ADGRL4: variants seen among roughly 807,000 people sequenced by gnomAD.
ADGRL4 encodes EGF, latrophilin and seven transmembrane domain containing 1.
Under a neutral mutation model 74.8 loss-of-function variants are expected in ADGRL4, and 90 were observed. That is an observed-to-expected ratio of 1.20 (90% CI 1.02 to 1.43). The LOEUF (loss-of-function observed/expected upper bound fraction) is 1.43. Ranked by LOEUF, ADGRL4 falls within the 40% of genes most tolerant of loss-of-function variation. ADGRL4 has a pLI of 0.00. For missense variants in ADGRL4, 881 were observed against 814.3 expected (o/e 1.08, Z -1.00); for synonymous variants, 311 against 279.2 (o/e 1.11, Z -1.14).
chr1:78,967,921 A>T (rs1185059745), intron 2 of ADGRL4, among the ~76,000 whole-genome samples: 1 of 148,570 alleles, frequency 6.7e-6, no homozygotes. Context: ...GCCTTCCCAA[A>T]ATCAAACTTC....
chr1:78,932,105 C>T lies in ADGRL4; in HGVS notation c.877+4190G>A, dbSNP rs549454600. Among the ~76,000 whole-genome samples the T allele has an allele frequency of 4.2e-4, 63 of 151,564 alleles. 2 individuals carry two copies. Among genetic ancestry groups the T allele is most frequent in the African/African-American group, 1.5e-3 (61 of 40,876 alleles). On this transcript the variant is annotated intron_variant, in intron 7 of 14. Transcript: ENST00000370742. Reference sequence around the variant, plus strand: ...TAATAAACATTTACAGAACTCTTACCCCCAAATCAACAGAATATGCATTCT... The same window carrying T: ...TAATAAACATTTACAGAACTCTTACTCCCAAATCAACAGAATATGCATTCT...
intron 7 of ADGRL4, among the ~76,000 whole-genome samples, chr1:78,933,294 T>C (rs113040385): frequency 0.03 from 4,604 of 151,534 alleles, 139 homozygotes; most frequent in South Asian, 0.053. Flanking sequence ...TCAATAAATG[T>C]AATCCATCAC....
intron 10 of ADGRL4, among the ~76,000 whole-genome samples, chr1:78,918,679 G>C (rs970742719): frequency 6.6e-6 from 1 of 151,796 alleles, no homozygotes; most frequent in African/African-American, 2.4e-5. Context: ...AGAAGAAGAA[G>C]TAGTTACACT....
rs749257756 is a variant in ADGRL4 at position 78,921,765 on chromosome 1, G to A, written c.1105C>T (p.Leu369=). The A allele has an allele frequency of 1.9e-6, 3 of 1,590,436 alleles. No homozygotes were observed. Among genetic ancestry groups the A allele is most frequent in the Non-Finnish European group, 1.7e-6 (2 of 1,169,428 alleles). The change falls in exon 9 of 15, where the codon CTA becomes TTA. Residue 369 remains leucine (L), a synonymous_variant. Coordinates refer to ENST00000370742, the MANE Select transcript of ADGRL4 (RefSeq NM_022159.4). ...GGTGAGTAATTCCAAAATGCACATA[G>A]ACTCCTATACCTATCTGTGACCTGA... The part of the protein sequence containing the change: ...HRKVTDRYRS[L]CAFWNYSPDT...
intron 2 of ADGRL4, among the ~76,000 whole-genome samples, chr1:78,976,036 C>T (rs528955364): frequency 6.6e-6 from 1 of 152,090 alleles, no homozygotes; most frequent in South Asian, 2.1e-4. Flanking sequence ...ACTGCCCCAG[C>T]TTACTGCTTT....
intron 12 of ADGRL4, among the ~76,000 whole-genome samples, chr1:78,902,735 G>A (rs574526791): frequency 1.2e-4 from 18 of 152,100 alleles, no homozygotes; most frequent in Non-Finnish European, 2.4e-4. Context: ...GTATTACTAT[G>A]GTTAACTATT....
intron 2 of ADGRL4, among the ~76,000 whole-genome samples, chr1:78,951,254 T>A (rs1272204030): frequency 6.6e-6 from 1 of 152,176 alleles, no homozygotes; most frequent in Non-Finnish European, 1.5e-5. Context: ...GTCCTTTGTA[T>A]CTTCTTCCTT....
chr1:78,909,671 G>T (rs1648719660), intron 12 of ADGRL4, among the ~76,000 whole-genome samples: 3 of 151,810 alleles, frequency 2.0e-5, no homozygotes, highest in Non-Finnish European at 4.4e-5. Flanking sequence ...ATTGGCAGAA[G>T]TGTCAGAAAG....
intron 2 of ADGRL4, among the ~76,000 whole-genome samples, chr1:78,997,321 G>A (rs369979797): frequency 6.0e-4 from 92 of 152,068 alleles, no homozygotes; most frequent in African/African-American, 2.0e-3. Flanking sequence ...ATTCTATCCC[G>A]CAACCACCCT....
chr1:78,929,741 G>T (rs563507180), intron 7 of ADGRL4, among the ~76,000 whole-genome samples: 2 of 151,214 alleles, frequency 1.3e-5, no homozygotes, highest in Admixed American at 6.6e-5. Flanking sequence ...CTCCTTTACT[G>T]ACAGCTAATA....
chr1:78,923,649 A>T (rs1016951816), intron 8 of ADGRL4, among the ~76,000 whole-genome samples: 1 of 151,986 alleles, frequency 6.6e-6, no homozygotes. Context: ...TTTTAAAAAA[A>T]TATATAAATA....
At chr1:78,926,770 T>G (rs1397858054) in intron 8 of ADGRL4, 116 bp downstream of exon 8, 14 of 750,710 alleles carry the variant, frequency 1.9e-5, no homozygotes, top group Non-Finnish European at 2.7e-5. Flanking sequence ...ACTCTTTTAA[T>G]TTCAAATCTG....
At chr1:78,965,848 G>A (rs6701246) in intron 2 of ADGRL4, among the ~76,000 whole-genome samples, 1,778 of 152,210 alleles carry the variant, frequency 0.012, 31 homozygotes, top group African/African-American at 0.04. Flanking sequence ...GACATAGCTG[G>A]CTTTTAAATC....
chr1:78,925,710 C>A (rs1312800407), intron 8 of ADGRL4, among the ~76,000 whole-genome samples: 1 of 151,952 alleles, frequency 6.6e-6, no homozygotes, highest in African/African-American at 2.4e-5. Flanking sequence ...ATAAAAGCAA[C>A]TAAGTTTTCC....
chr1:78,933,679 C>A (rs1374851050), intron 7 of ADGRL4, among the ~76,000 whole-genome samples: 1 of 151,318 alleles, frequency 6.6e-6, no homozygotes, highest in Non-Finnish European at 1.5e-5. Context: ...ATTTAGAAAA[C>A]CCCATCATCT....
At chr1:78,980,149 A>C (rs1650369466) in intron 2 of ADGRL4, among the ~76,000 whole-genome samples, 1 of 151,848 alleles carries the variant, frequency 6.6e-6, no homozygotes, top group Non-Finnish European at 1.5e-5. Context: ...TCACACGCAG[A>C]TAAGACTCAT....
intron 2 of ADGRL4, among the ~76,000 whole-genome samples, chr1:78,979,562 GA>G (rs1650358544): frequency 6.6e-6 from 1 of 151,782 alleles, no homozygotes; most frequent in South Asian, 2.1e-4. Context: ...CTGCCCAAAG[GA>G]AAAGATGTCA....
chr1:78,920,631 G>T (rs1201553036), intron 9 of ADGRL4, among the ~76,000 whole-genome samples: 1 of 151,518 alleles, frequency 6.6e-6, no homozygotes, highest in African/African-American at 2.4e-5. Context: ...TTTTTTCTAG[G>T]CATAGTATTA....
intron 2 of ADGRL4, among the ~76,000 whole-genome samples, chr1:78,990,128 T>A (rs1650576316): frequency 6.6e-6 from 1 of 151,964 alleles, no homozygotes; most frequent in African/African-American, 2.4e-5. Context: ...TCCATCATAG[T>A]GCTTCATCCT....
Sources: allele counts gnomAD v4.1 joint callset (sites outside exome capture counted in the v4.1 genomes callset), GRCh38; gene constraint gnomAD v4.1.1; transcripts MANE v1.5; gene names NCBI Gene and HGNC (gene_info 2026-07-23, HGNC 2026-07-21).